The following SPINT1 variants were observed in gnomAD, a reference collection of about 807,000 sequenced individuals.
The protein encoded by SPINT1 is kunitz-type protease inhibitor 1.
In SPINT1, 38 loss-of-function variants were observed where a neutral mutation model predicts 53.7. The observed-to-expected ratio is 0.71, with a 90% CI of 0.55 to 0.93. SPINT1 has a LOEUF of 0.93. Ranked by LOEUF, SPINT1 falls within the 40% of genes least tolerant of loss-of-function variation. The pLI is 0.00. For synonymous variants in SPINT1, 283 were observed against 280.6 expected, an observed-to-expected ratio of 1.01 and a Z score of -0.08; for missense variants, 645 against 692.9, an observed-to-expected ratio of 0.93 and a Z score of 0.78.
At chr15:40,854,610 T>C (rs371165907) in intron 7 of SPINT1, 29 bp from the exon 8 acceptor site, 2 of 1,614,092 alleles carry the variant, frequency 1.2e-6, no homozygotes, top group African/African-American at 2.7e-5. Context: ...CCTTGTTGGG[T>C]CTGAGACTCT....
At chr15:40,856,242 G>GA in intron 9 of SPINT1, 34 bp from the exon 10 acceptor site, 1 of 1,613,948 alleles carries the variant, frequency 6.2e-7, no homozygotes. Context: ...TGAGCCCTCA[G>GA]TACTGACTGG....
chr15:40,853,607 T>G lies in SPINT1; in HGVS notation c.722T>G (p.Leu241Arg). The G allele has an allele frequency of 6.2e-7, 1 of 1,613,928 alleles. No homozygotes were observed. The highest frequency in any genetic ancestry group is 2.2e-5 in the East Asian group (1 of 44,852). The change falls in exon 4 of 11, where the codon CTG becomes CGG. Residue 241 changes from leucine to arginine, a missense_variant. Transcript: ENST00000562057. ...EDTANVTVTV[L>R]STKQTEDYCL... is the part of the protein sequence containing the mutation. Reference sequence around the variant, plus strand: ...ACGGCCAACGTCACAGTCACTGTGCTGTCCACCAAGCAGACAGAAGGTGAG... The same window carrying G: ...ACGGCCAACGTCACAGTCACTGTGCGGTCCACCAAGCAGACAGAAGGTGAG...
Position 40,853,136 on chromosome 15 carries a change from C to T in SPINT1, c.488C>T (p.Pro163Leu). The change falls in exon 3 of 11, where the codon CCC becomes CTC. Residue 163 changes from proline to leucine, a missense_variant. Physicochemically the swap from Pro to Leu is moderately conservative, Grantham distance 98. Coordinates refer to ENST00000562057, the MANE Select transcript of SPINT1 (RefSeq NM_003710.4). ...CTCTCCCCGCCAGGGTCTGGGATCC[C>T]CAAGGCCTGGGCAGGCATAGACTTG... ...RTQGFGGSGIPKAWAGIDLKV... is the reference protein window; with the variant it reads ...RTQGFGGSGILKAWAGIDLKV... The T allele has an allele frequency of 6.2e-7, 1 of 1,614,006 alleles. No individual in the cohort carries two copies. Among genetic ancestry groups the T allele is most frequent in the South Asian group, 1.1e-5 (1 of 91,074 alleles).
In SPINT1 at chr15:40,856,952, A is replaced by G; in HGVS notation, c.1519A>G (p.Asn507Asp). 6.2e-7 allele frequency: 1 copy of G among 1,613,916 alleles called. No homozygotes were observed. Among genetic ancestry groups the G allele is most frequent in the Non-Finnish European group, 8.5e-7 (1 of 1,179,896 alleles). The change falls in exon 11 of 11, where the codon AAC becomes GAC. Residue 507 changes from asparagine (N) to aspartate (D), a missense_variant. Coordinates refer to ENST00000562057, the MANE Select transcript of SPINT1 (RefSeq NM_003710.4). ...CGAGGACACGGAGCACCTGGTCTAT[A>G]ACCACACCACGCGGCCCCTCTGAGC... ...TTEDTEHLVY[N>D]HTTRPL
In SPINT1 at chr15:40,844,853, C is replaced by A. The variant is rs1340863197; in HGVS notation, c.299C>A (p.Ala100Glu). Reference protein sequence around the residue: ...ACCTTQNCNLALVELQPDRGE... With the variant: ...ACCTTQNCNLELVELQPDRGE... ...TGCACCACCCAGAACTGCAACTTGG[C>A]GCTAGTGGAGCTGCAGCCCGACCGC... The change falls in exon 2 of 11, where the codon GCG becomes GAG. Residue 100 changes from alanine (A) to glutamate (E), a missense_variant. Transcript: ENST00000562057. The surrounding 1 kb of genome is among the most constrained non-coding windows in gnomAD (Gnocchi z 5.8). 5 of 1,613,850 alleles carry A rather than the reference C, an allele frequency of 3.1e-6. No individual in the cohort carries two copies. The highest frequency in any genetic ancestry group is 1.1e-5 in the South Asian group (1 of 91,076).
At position 40,853,808 on chromosome 15, in the gene SPINT1, T is replaced by C. The variant is rs758081313; in HGVS notation, c.840T>C (p.Tyr280=). 34 of 1,614,126 alleles carry C rather than the reference T, an allele frequency of 2.1e-5. No homozygotes were observed. In the Admixed American group the frequency reaches 5.5e-4, roughly 26 times the overall value. Reference sequence around the variant, plus strand: ...AGCAGATCTGCAAGAGTTTCGTTTATGGAGGCTGCTTGGGCAACAAGAACA... The same window carrying C: ...AGCAGATCTGCAAGAGTTTCGTTTACGGAGGCTGCTTGGGCAACAAGAACA... The part of the protein sequence containing the change: ...PTEQICKSFV[Y]GGCLGNKNNY... The change falls in exon 5 of 11, where the codon TAT becomes TAC. Residue 280 remains tyrosine, a synonymous_variant. Transcript: ENST00000562057.
rs1222456355 is a variant in SPINT1 at position 40,853,863 on chromosome 15, G to T, written c.895G>T (p.Ala299Ser). 10 of 1,614,086 alleles carry T rather than the reference G, an allele frequency of 6.2e-6. No individual in the cohort carries two copies. Among genetic ancestry groups the T allele is most frequent in the East Asian group, 4.5e-5 (2 of 44,888 alleles). The change falls in exon 5 of 11, where the codon GCC becomes TCC. Residue 299 changes from alanine (A) to serine (S), a missense_variant. By Grantham distance (99) the Ala-to-Ser change is moderately conservative. Coordinates refer to ENST00000562057, the MANE Select transcript of SPINT1 (RefSeq NM_003710.4). ...NYLREEECIL[A>S]CRGVQGPSME... Reference sequence around the variant, plus strand: ...CCTTCGGGAAGAAGAGTGCATTCTAGCCTGTCGGGGTGTGCAAGGTGGGCC... The same window carrying T: ...CCTTCGGGAAGAAGAGTGCATTCTATCCTGTCGGGGTGTGCAAGGTGGGCC...
chr15:40,848,973 G>A (rs1253085857), intron 2 of SPINT1, among the ~76,000 whole-genome samples: 2 of 150,730 alleles, frequency 1.3e-5, no homozygotes, highest in African/African-American at 4.9e-5. Flanking sequence ...CGGGCCGGGC[G>A]CGGTGGGTCA....
intron 10 of SPINT1, 44 bp downstream of exon 10, chr15:40,856,367 T>G (rs1468444682): frequency 6.2e-7 from 1 of 1,611,252 alleles, no homozygotes; most frequent in Non-Finnish European, 8.5e-7. Context: ...CATGTAGGTA[T>G]CAACTCACGG....
intron 2 of SPINT1, among the ~76,000 whole-genome samples, chr15:40,848,797 A>G (rs1891367166): frequency 6.6e-6 from 1 of 152,218 alleles, no homozygotes; most frequent in Non-Finnish European, 1.5e-5. Flanking sequence ...GAATTCAAAT[A>G]CTGTCTCTTG....
chr15:40,851,820 A>G (rs1891465793), intron 2 of SPINT1, among the ~76,000 whole-genome samples: 1 of 152,190 alleles, frequency 6.6e-6, no homozygotes, highest in African/African-American at 2.4e-5. Flanking sequence ...CAGGAGTTCA[A>G]GACCAGCCAG....
intron 2 of SPINT1, among the ~76,000 whole-genome samples, chr15:40,848,329 A>G (rs780014088): frequency 2.6e-5 from 4 of 152,144 alleles, no homozygotes; most frequent in Non-Finnish European, 5.9e-5. Context: ...AAAACTCTCT[A>G]GAGAGCCTCT....
At chr15:40,848,489 C>T (rs953537988) in intron 2 of SPINT1, among the ~76,000 whole-genome samples, 7 of 152,060 alleles carry the variant, frequency 4.6e-5, no homozygotes, top group East Asian at 1.9e-4. Flanking sequence ...TTTATAATAA[C>T]GAAGAATTGG....
At position 40,856,030 on chromosome 15, in the gene SPINT1, A is replaced by C; in HGVS notation, c.1256A>C (p.Gln419Pro). Residue 419 changes from glutamine to proline, a missense_variant, in exon 9 of 11, where the codon CAG becomes CCG. By Grantham distance (76) the Gln-to-Pro change is moderately conservative. Transcript: ENST00000562057. ...AACAAGAACAACTTTGAGGAAGAGC[A>C]GCAGTGCCTCGAGTCTTGTCGCGGC... ...YGNKNNFEEE[Q>P]QCLESCRGIS... 1 of 1,614,216 alleles carries C rather than the reference A, an allele frequency of 6.2e-7. No homozygotes were observed. The highest frequency in any genetic ancestry group is 8.5e-7 in the Non-Finnish European group (1 of 1,180,048).
chr15:40,856,656 C>T, intron 10 of SPINT1, 114 bp from the exon 11 acceptor site: 1 of 1,544,932 alleles, frequency 6.5e-7, no homozygotes, highest in Non-Finnish European at 8.7e-7. Context: ...AGTCGGGTGC[C>T]CATGTCCTTC....
intron 6 of SPINT1, 104 bp downstream of exon 6, chr15:40,854,190 T>C: frequency 7.1e-7 from 1 of 1,399,288 alleles, no homozygotes; most frequent in Non-Finnish European, 9.7e-7. Context: ...ATTCCTCCCC[T>C]CAGAGTTTGT....
intron 2 of SPINT1, among the ~76,000 whole-genome samples, chr15:40,845,435 G>T (rs142550825): frequency 6.7e-6 from 1 of 148,672 alleles, no homozygotes; most frequent in Non-Finnish European, 1.5e-5. Context: ...CTCCCAAAGT[G>T]CTGGGATTAT....
rs1891638241 is a variant in SPINT1, at chr15:40,856,261, C to T, written c.1289-15C>T. The stretch of plus-strand genomic sequence containing the variant: ...CCCTCAGTACTGACTGGTCTTTCCC[C>T]TCATCATTCTGCAGAGAAGGATGTG... On this transcript the variant is annotated splice_polypyrimidine_tract_variant and intron_variant, in intron 9 of 10. Coordinates refer to ENST00000562057, the MANE Select transcript of SPINT1 (RefSeq NM_003710.4). 6.2e-7 allele frequency: 1 copy of T among 1,614,112 alleles called. No homozygotes were observed. Among genetic ancestry groups the T allele is most frequent in the South Asian group, 1.1e-5 (1 of 91,080 alleles).
chr15:40,850,619 C>CT (rs1280058942), intron 2 of SPINT1, among the ~76,000 whole-genome samples: 4 of 152,232 alleles, frequency 2.6e-5, no homozygotes, highest in African/African-American at 9.6e-5. Context: ...TCCGGTTTCC[C>CT]TTCTGCCTGT....
Sources: gnomAD v4.1 joint callset for allele counts (sites outside exome capture counted in the v4.1 genomes callset) on GRCh38, gnomAD v4.1.1 for gene constraint, Gnocchi (gnomAD v3.1) non-coding constraint, MANE v1.5 for transcripts, NCBI Gene and HGNC (gene_info 2026-07-23, HGNC 2026-07-21) for gene names.